Variants in IGSF11 observed in about 807,000 individuals in gnomAD.
IGSF11 encodes the protein CXADR like 1.
A neutral mutation model predicts 41.0 loss-of-function variants in IGSF11; 22 were observed. The observed-to-expected ratio is 0.54, with a 90% CI of 0.38 to 0.77. The LOEUF is 0.77. Among genes scored for constraint, IGSF11 ranks in the 30% least tolerant of loss-of-function variants. IGSF11 has a pLI of 0.00. For synonymous variants in IGSF11, 219 were observed against 201.3 expected (o/e 1.09, Z -0.74); for missense variants, 444 against 530.8 (o/e 0.84, Z 1.61).
intron 1 of IGSF11, among the ~76,000 whole-genome samples, chr3:118,976,637 G>A (rs913322513): frequency 6.6e-6 from 1 of 152,218 alleles, no homozygotes; most frequent in Non-Finnish European, 1.5e-5. Context: ...CTAGTCTGAA[G>A]ATAGTGAACA....
chr3:118,977,690 T>G (rs1440352447), intron 1 of IGSF11, among the ~76,000 whole-genome samples: 1 of 152,192 alleles, frequency 6.6e-6, no homozygotes, highest in Admixed American at 6.5e-5. Context: ...ATTCCCATCA[T>G]GGACTACAAC....
At chr3:119,058,970 G>A (rs1317795197) in intron 1 of IGSF11, among the ~76,000 whole-genome samples, 2 of 151,302 alleles carry the variant, frequency 1.3e-5, no homozygotes, top group Admixed American at 6.6e-5. Flanking sequence ...ATCGGGGACT[G>A]TTGTGGGGTG....
chr3:118,973,314 C>A (rs1167598720), intron 1 of IGSF11, among the ~76,000 whole-genome samples: 2 of 152,206 alleles, frequency 1.3e-5, no homozygotes, highest in Non-Finnish European at 2.9e-5. Flanking sequence ...AGGCACTGGG[C>A]ATGCACCCAG....
intron 1 of IGSF11, among the ~76,000 whole-genome samples, chr3:119,135,573 G>A (rs1406777448): frequency 2.0e-5 from 3 of 152,188 alleles, no homozygotes; most frequent in African/African-American, 7.2e-5. Flanking sequence ...ACAGATGCTG[G>A]AGAGGATGTG....
At position 118,902,386 on chromosome 3, in the gene IGSF11, C is replaced by T. The variant is rs974098854; in HGVS notation, c.*134G>A. On this transcript the variant is annotated 3_prime_UTR_variant, in exon 7 of 7. Transcript: ENST00000393775. ...ACATCTTAGTGGCCAAGTAACAGCA[C>T]TGCCTTCTTCTTTGTGCATTTTACT... 7 of 707,208 alleles carry T rather than the reference C, an allele frequency of 9.9e-6. No individual in the cohort carries two copies. The highest frequency in any genetic ancestry group is 2.5e-5 in the Admixed American group (1 of 39,330). 43.8% of individuals were successfully genotyped at this position (707,208 alleles called of 1,614,324 possible).
At chr3:119,057,037 G>C (rs1462967908) in intron 1 of IGSF11, among the ~76,000 whole-genome samples, 1 of 152,142 alleles carries the variant, frequency 6.6e-6, no homozygotes, top group East Asian at 1.9e-4. Flanking sequence ...ACAAAAACTG[G>C]AAGCATTCCC....
At chr3:119,121,918 G>A (rs1290274058) in intron 1 of IGSF11, among the ~76,000 whole-genome samples, 2 of 152,158 alleles carry the variant, frequency 1.3e-5, no homozygotes, top group Non-Finnish European at 1.5e-5. Context: ...TCTTCAAAGT[G>A]TTAAAAGAAA....
intron 1 of IGSF11, among the ~76,000 whole-genome samples, chr3:119,121,032 A>G (rs2077326647): frequency 6.6e-6 from 1 of 152,222 alleles, no homozygotes; most frequent in Admixed American, 6.5e-5. Flanking sequence ...GACACAAATA[A>G]ACAACAAGAA....
At chr3:119,098,278 G>A (rs2076888114) in intron 1 of IGSF11, among the ~76,000 whole-genome samples, 1 of 152,002 alleles carries the variant, frequency 6.6e-6, no homozygotes. Flanking sequence ...CTGTAAAATG[G>A]GAATACTAAT....
chr3:119,032,072 A>T (rs929112429), intron 1 of IGSF11, among the ~76,000 whole-genome samples: 4 of 152,206 alleles, frequency 2.6e-5, no homozygotes, highest in Admixed American at 2.6e-4. Context: ...CAAAATAACA[A>T]TAAGAAAACA....
chr3:118,975,501 G>A (rs76722096), intron 1 of IGSF11, among the ~76,000 whole-genome samples: 3 of 151,988 alleles, frequency 2.0e-5, no homozygotes, highest in Admixed American at 6.6e-5. Flanking sequence ...TCTTTAATTT[G>A]AGCCTAAAAG....
intron 1 of IGSF11, among the ~76,000 whole-genome samples, chr3:119,047,439 A>G (rs1389726743): frequency 1.3e-5 from 2 of 152,206 alleles, no homozygotes; most frequent in Admixed American, 6.5e-5. Flanking sequence ...TTCAAAAAGA[A>G]GAGCTAACTA....
At chr3:119,043,682 C>T (rs1213750176) in intron 1 of IGSF11, among the ~76,000 whole-genome samples, 4 of 152,198 alleles carry the variant, frequency 2.6e-5, no homozygotes, top group Non-Finnish European at 5.9e-5. Context: ...TCCACCAGAG[C>T]AGGTTCTGGT....
At chr3:119,075,607 A>G (rs938732303) in intron 1 of IGSF11, among the ~76,000 whole-genome samples, 6 of 152,216 alleles carry the variant, frequency 3.9e-5, no homozygotes, top group African/African-American at 1.4e-4. Flanking sequence ...ATCAAGCATC[A>G]CATCAAAAAG....
chr3:118,930,037 C>T, intron 2 of IGSF11, 75 bp downstream of exon 2: 2 of 1,443,620 alleles, frequency 1.4e-6, no homozygotes, highest in East Asian at 4.7e-5. Flanking sequence ...CAAAGATGTA[C>T]TCATGATGCT....
intron 1 of IGSF11, among the ~76,000 whole-genome samples, chr3:118,987,241 A>T (rs1449092365): frequency 6.6e-6 from 1 of 152,224 alleles, no homozygotes; most frequent in Non-Finnish European, 1.5e-5. Context: ...TAACTAGAAA[A>T]GTGAGGCCAG....
chr3:119,063,461 G>GT (rs551539920), intron 1 of IGSF11, among the ~76,000 whole-genome samples: 4 of 151,990 alleles, frequency 2.6e-5, no homozygotes, highest in Admixed American at 6.6e-5. Flanking sequence ...GCCATGAGGG[G>GT]TTTTTTTGTT....
intron 1 of IGSF11, among the ~76,000 whole-genome samples, chr3:119,102,904 C>T (rs2076959940): frequency 6.6e-6 from 1 of 151,878 alleles, no homozygotes; most frequent in South Asian, 2.1e-4. Context: ...TTCTCTGAGC[C>T]GTTGGAGTTC....
chr3:119,077,039 C>T (rs2076511539), intron 1 of IGSF11, among the ~76,000 whole-genome samples: 1 of 152,126 alleles, frequency 6.6e-6, no homozygotes, highest in Non-Finnish European at 1.5e-5. Context: ...CAATGATAGA[C>T]TGGATTAAGA....
Sources: gnomAD v4.1 joint callset for allele counts (sites outside exome capture counted in the v4.1 genomes callset) on GRCh38, gnomAD v4.1.1 for gene constraint, MANE v1.5 for transcripts, NCBI Gene and HGNC (gene_info 2026-07-23, HGNC 2026-07-21) for gene names.